Variants in SASH1 observed in about 807,000 individuals in gnomAD.
SASH1 encodes SAM and SH3 domain containing 1, also known as SAM and SH3 domain-containing protein 1.
A neutral mutation model predicts 125.2 loss-of-function variants in SASH1; 44 were observed. The ratio of observed to expected loss-of-function variants is 0.35; its 90% confidence interval spans 0.28 to 0.45. SASH1 has a LOEUF of 0.45. Ranked by LOEUF, SASH1 falls within the 20% of genes least tolerant of loss-of-function variation. SASH1 has a pLI of 1.00. For missense variants in SASH1, 1,426 were observed against 1,614.5 expected, an observed-to-expected ratio of 0.88 and a Z score of 2.00; for synonymous variants, 639 against 649.1, an observed-to-expected ratio of 0.98 and a Z score of 0.24.
chr6:148,341,916 T>C (rs906159994), upstream of SASH1, among the ~76,000 whole-genome samples: 4 of 152,110 alleles, frequency 2.6e-5, no homozygotes, highest in African/African-American at 9.7e-5. Context: ...TCTTGAAAGA[T>C]AGAATCACAA....
intron 1 of SASH1, among the ~76,000 whole-genome samples, chr6:148,348,421 G>T (rs1331255021): frequency 6.6e-6 from 1 of 152,136 alleles, no homozygotes; most frequent in Non-Finnish European, 1.5e-5. Context: ...TCTCTACCTT[G>T]TCTTTCTTTT....
chr6:148,343,307 C>CA (rs920221607), intron 1 of SASH1, 84 bp downstream of exon 1: 3 of 1,348,326 alleles, frequency 2.2e-6, no homozygotes, highest in Non-Finnish European at 3.1e-6. Context: ...CTCGCCCACC[C>CA]ACTGGGCAAC....
At chr6:148,541,402 CA>C (rs1782208705) in intron 17 of SASH1, among the ~76,000 whole-genome samples, 1 of 151,778 alleles carries the variant, frequency 6.6e-6, no homozygotes, top group Admixed American at 6.6e-5. Flanking sequence ...TCATGGACAG[CA>C]GTTTTGTAAG....
At chr6:148,457,622 AG>A (rs1321586481) in intron 4 of SASH1, among the ~76,000 whole-genome samples, 1 of 152,218 alleles carries the variant, frequency 6.6e-6, no homozygotes, top group African/African-American at 2.4e-5. Flanking sequence ...TACTTTGGTA[AG>A]CCAGACCAAT....
At position 148,420,697 on chromosome 6, in the gene SASH1, G is replaced by A. The variant is rs986184622; in HGVS notation, c.286-19487G>A. Among the ~76,000 whole-genome samples the A allele has an allele frequency of 6.6e-5, 10 of 151,802 alleles. No homozygotes were observed. In the South Asian group the frequency reaches 1.9e-3, roughly 28 times the overall value. On this transcript the variant is annotated intron_variant, in intron 2 of 19. Coordinates refer to ENST00000367467, the MANE Select transcript of SASH1 (RefSeq NM_015278.5). ...ATTATTGTTCCCTATTTTTTTAATC[G>A]TTATGTACCCTTTGTCTTTGTCTTT...
chr6:148,199,598 G>A, the SASH1 span, among the ~76,000 whole-genome samples: 1 of 151,578 alleles, frequency 6.6e-6, no homozygotes, highest in African/African-American at 2.4e-5. Context: ...TTCGGCAGGC[G>A]GAGGCAGGAG....
At chr6:148,289,719 G>A (rs1333054914) in intron 1 of SASH1, among the ~76,000 whole-genome samples, 2 of 152,186 alleles carry the variant, frequency 1.3e-5, no homozygotes, top group Non-Finnish European at 2.9e-5. Flanking sequence ...TTGAGGAATA[G>A]GGGCAGGGGA....
intron 1 of SASH1, among the ~76,000 whole-genome samples, chr6:148,328,408 C>A (rs550342461): frequency 3.9e-5 from 6 of 152,108 alleles, no homozygotes; most frequent in Non-Finnish European, 8.8e-5. Context: ...GCCTGGCTAA[C>A]ATGGTGAAAC....
At chr6:148,489,850 CTGTGTG>C (rs151183028) in intron 8 of SASH1, among the ~76,000 whole-genome samples, 9,336 of 136,534 alleles carry the variant, frequency 0.068, 387 homozygotes, top group Non-Finnish European at 0.096. Flanking sequence ...GCTATATAGG[CTGTGTG>C]TGTGTGTGTG....
In SASH1 at chr6:148,471,423, G is replaced by A; in HGVS notation, c.434G>A (p.Gly145Glu). The change falls in exon 6 of 20, where the codon GGA becomes GAA. Residue 145 changes from glycine (G) to glutamate (E), a missense_variant. Around this residue, in one of 3 missense-constraint regions of SASH1, gnomAD observed 567 missense variants for 575.6 expected, o/e 0.99. Transcript: ENST00000367467. ...TTTTTTTTTTTTTTTTAAGGAAAAG[G>A]AGACTGGAAGAAGAAAAATAAGTAT... ...SNSEDSSVGK[G>E]DWKKKNKYFW... 1 of 1,214,108 alleles carries A rather than the reference G, an allele frequency of 8.2e-7. No individual in the cohort carries two copies. Among genetic ancestry groups the A allele is most frequent in the African/African-American group, 1.6e-5 (1 of 61,164 alleles). 75.2% of individuals were successfully genotyped at this position (1,214,108 alleles called of 1,614,324 possible). A position where few individuals can be genotyped will look rare whatever the true frequency, so the allele number is the denominator to read the frequency against.
chr6:148,225,805 CA>C, the SASH1 span, among the ~76,000 whole-genome samples: 1 of 152,094 alleles, frequency 6.6e-6, no homozygotes, highest in East Asian at 1.9e-4. Flanking sequence ...GGTCTTTCTC[CA>C]AAAAATGAGA....
chr6:148,421,215 A>AAGAAAGAAAGAAAGAG (rs1554255027), intron 2 of SASH1, among the ~76,000 whole-genome samples: 7 of 125,638 alleles, frequency 5.6e-5, no homozygotes, highest in Middle Eastern at 3.7e-3. Context: ...GAAAGAAAGA[A>AAGAAAGAAAGAAAGAG]AAAGAAAGAA....
chr6:148,516,205 T>G (rs1283572097), intron 9 of SASH1, among the ~76,000 whole-genome samples: 1 of 152,252 alleles, frequency 6.6e-6, no homozygotes, highest in Non-Finnish European at 1.5e-5. Context: ...AAGATGGATT[T>G]AGTGAACTCA....
At chr6:148,471,573 T>C (rs1025589611) in intron 6 of SASH1, 70 bp downstream of exon 6, 2 of 898,278 alleles carry the variant, frequency 2.2e-6, no homozygotes, top group Non-Finnish European at 3.7e-6. Context: ...ATGCGGCTAA[T>C]CTCAGTGGAT....
chr6:148,279,815 C>T (rs879766237), intron 1 of SASH1, among the ~76,000 whole-genome samples: 2 of 151,910 alleles, frequency 1.3e-5, no homozygotes, highest in Admixed American at 6.6e-5. Context: ...GATGAAACCC[C>T]GTCTCTACTA....
chr6:148,430,366 C>G (rs982790851), intron 2 of SASH1, among the ~76,000 whole-genome samples: 1 of 152,232 alleles, frequency 6.6e-6, no homozygotes, highest in Non-Finnish European at 1.5e-5. Context: ...GAGTCTCGCT[C>G]TGTCACCCAG....
At chr6:148,424,095 G>A (rs1249507450) in intron 2 of SASH1, among the ~76,000 whole-genome samples, 1 of 151,966 alleles carries the variant, frequency 6.6e-6, no homozygotes, top group African/African-American at 2.4e-5. Context: ...TCCACATGTT[G>A]TAAGTAATTT....
intron 1 of SASH1, among the ~76,000 whole-genome samples, chr6:148,366,679 C>A (rs1406736921): frequency 6.6e-6 from 1 of 152,078 alleles, no homozygotes; most frequent in African/African-American, 2.4e-5. Context: ...CTCACTGCAA[C>A]CTCTGCCTCC....
At chr6:148,448,698 T>A (rs992121913) in intron 4 of SASH1, among the ~76,000 whole-genome samples, 1 of 152,176 alleles carries the variant, frequency 6.6e-6, no homozygotes, top group Non-Finnish European at 1.5e-5. Context: ...TAGGTACTCA[T>A]TGTAGATTTA....
Sources: gnomAD v4.1 joint callset for allele counts (sites outside exome capture counted in the v4.1 genomes callset) on GRCh38, gnomAD v4.1.1 for gene constraint, gnomAD v4.1.1 regional missense constraint, MANE v1.5 for transcripts, NCBI Gene and HGNC (gene_info 2026-07-23, HGNC 2026-07-21) for gene names.